CLEC4D: variants seen among roughly 807,000 people sequenced by gnomAD.
The protein encoded by CLEC4D is C-type (calcium dependent, carbohydrate-recognition domain) lectin, superfamily member 8.
A neutral mutation model predicts 21.1 loss-of-function variants in CLEC4D; 21 were observed. That is an observed-to-expected ratio of 1.00 (90% CI 0.71 to 1.43). The LOEUF (loss-of-function observed/expected upper bound fraction) is 1.43, where lower values mean the gene tolerates loss of function less well. CLEC4D is among the 40% of genes most tolerant of loss of function. The pLI, the probability that CLEC4D is intolerant of heterozygous loss-of-function variation, is 0.00. For synonymous variants in CLEC4D, 85 were observed against 83.1 expected, an observed-to-expected ratio of 1.02 and a Z score of -0.12; for missense variants, 289 against 260.7, an observed-to-expected ratio of 1.11 and a Z score of -0.75.
the CLEC4D span, among the ~76,000 whole-genome samples, chr12:8,531,327 G>A: frequency 2.6e-5 from 4 of 152,332 alleles, no homozygotes; most frequent in Admixed American, 2.0e-4. Context: ...CACGTGCAAT[G>A]ATTTTAGGAG....
chr12:8,517,726 C>T (rs1046412537), intron 2 of CLEC4D, among the ~76,000 whole-genome samples: 1 of 152,116 alleles, frequency 6.6e-6, no homozygotes, highest in East Asian at 1.9e-4. Context: ...GCAGGCGGAT[C>T]TCGAGGTCAG....
At chr12:8,517,655 G>A (rs1392827514) in intron 2 of CLEC4D, among the ~76,000 whole-genome samples, 1 of 152,074 alleles carries the variant, frequency 6.6e-6, no homozygotes, top group African/African-American at 2.4e-5. Flanking sequence ...CTCCCGTAAA[G>A]AACAAAACGG....
intron 4 of CLEC4D, among the ~76,000 whole-genome samples, chr12:8,519,878 G>A (rs1485174629): frequency 6.6e-6 from 1 of 152,090 alleles, no homozygotes; most frequent in Non-Finnish European, 1.5e-5. Context: ...GAATAAAATG[G>A]AATTTAATGA....
At chr12:8,525,486 T>C (rs1940499092), downstream of CLEC4D, among the ~76,000 whole-genome samples, 1 of 152,152 alleles carries the variant, frequency 6.6e-6, no homozygotes, top group South Asian at 2.1e-4. Context: ...TTAGTCTGTT[T>C]TGTCAGAGAC....
In CLEC4D at chr12:8,522,218, G is replaced by A. The variant is rs1940467325; in HGVS notation, c.*947G>A. On this transcript the variant is annotated 3_prime_UTR_variant, in exon 6 of 6. Coordinates refer to ENST00000299665, the MANE Select transcript of CLEC4D (RefSeq NM_080387.5). ...CAACCCATTTATACAAATTGTTAAT[G>A]TTTCTTTAGAGCTGTATAACTATAG... 6.6e-6 allele frequency: 1 copy of A among 152,132 alleles called. No homozygotes were observed. The highest frequency in any genetic ancestry group is 2.4e-5 in the African/African-American group (1 of 41,428). The allele number at this position is 152,132 out of a possible 1,614,324, so 9.4% of individuals were successfully genotyped here.
chr12:8,516,899 T>A (rs1940389103), intron 2 of CLEC4D, among the ~76,000 whole-genome samples: 1 of 152,208 alleles, frequency 6.6e-6, no homozygotes, highest in Admixed American at 6.5e-5. Context: ...AAGACAATAG[T>A]TCACTTTACA....
At chr12:8,515,440 T>C (rs1591718750) in intron 2 of CLEC4D, 112 bp downstream of exon 2, 3 of 666,984 alleles carry the variant, frequency 4.5e-6, no homozygotes, top group East Asian at 5.3e-5. Flanking sequence ...AACCTATCTA[T>C]AATATCTTCA....
At chr12:8,523,953 T>A (rs1216079114), downstream of CLEC4D, among the ~76,000 whole-genome samples, 1 of 152,226 alleles carries the variant, frequency 6.6e-6, no homozygotes, top group East Asian at 1.9e-4. Flanking sequence ...TCTATTGAGA[T>A]AACCATGTGG....
Position 8,520,247 on chromosome 12 carries a change from G to A in CLEC4D, c.406G>A (p.Asp136Asn). 6.2e-7 allele frequency: 1 copy of A among 1,613,870 alleles called. No individual in the cohort carries two copies. Among genetic ancestry groups the A allele is most frequent in the Non-Finnish European group, 8.5e-7 (1 of 1,179,830 alleles). ...AEQNFIIQFL[D>N]RRLSYFLGLR... is the part of the protein sequence containing the mutation. ...GCAGAACTTTATTATTCAGTTTCTG[G>A]ATAGACGGCTTTCCTATTTCCTTGG... Residue 136 changes from aspartate (D) to asparagine (N), a missense_variant, in exon 5 of 6, where the codon GAT (aspartate) becomes AAT (asparagine). Physicochemically the swap from Asp to Asn is conservative, Grantham distance 23 (BLOSUM62 1). Coordinates refer to ENST00000299665, the MANE Select transcript of CLEC4D (RefSeq NM_080387.5).
intron 1 of CLEC4D, among the ~76,000 whole-genome samples, chr12:8,514,971 A>T (rs1354892140): frequency 6.6e-6 from 1 of 152,132 alleles, no homozygotes; most frequent in Non-Finnish European, 1.5e-5. Flanking sequence ...TACTCAAATT[A>T]TCTATTCTAA....
At chr12:8,519,773 A>G (rs1397721789) in intron 4 of CLEC4D, among the ~76,000 whole-genome samples, 8 of 152,210 alleles carry the variant, frequency 5.3e-5, no homozygotes, top group Admixed American at 1.3e-4. Flanking sequence ...GTTTCCATTT[A>G]TGTACCATGA....
chr12:8,519,528 G>C (rs772175802), intron 4 of CLEC4D, among the ~76,000 whole-genome samples: 1 of 152,226 alleles, frequency 6.6e-6, no homozygotes, highest in Admixed American at 6.5e-5. Context: ...TGGAGGGCTG[G>C]ATCCATGCTC....
chr12:8,528,648 A>G, the CLEC4D span, among the ~76,000 whole-genome samples: 1 of 152,166 alleles, frequency 6.6e-6, no homozygotes, highest in South Asian at 2.1e-4. Context: ...AAAAATTTCA[A>G]GCAGTGTTTT....
intron 2 of CLEC4D, among the ~76,000 whole-genome samples, chr12:8,517,573 C>A (rs1327206591): frequency 1.3e-5 from 2 of 151,656 alleles, no homozygotes; most frequent in African/African-American, 4.8e-5. Flanking sequence ...GCACCAAAAA[C>A]CCCTATTCTA....
intron 2 of CLEC4D, among the ~76,000 whole-genome samples, chr12:8,517,714 A>C (rs1389578018): frequency 3.9e-5 from 6 of 152,136 alleles, no homozygotes; most frequent in Non-Finnish European, 7.4e-5. Flanking sequence ...TGGGAGGCCG[A>C]GGCAGGCGGA....
intron 4 of CLEC4D, 131 bp from the exon 5 acceptor site, chr12:8,520,095 G>A: frequency 7.2e-7 from 1 of 1,392,400 alleles, no homozygotes. Context: ...GGCAGGATTT[G>A]AAAACAGATC....
intron 4 of CLEC4D, among the ~76,000 whole-genome samples, chr12:8,519,465 T>C (rs1215703476): frequency 1.3e-5 from 2 of 152,326 alleles, no homozygotes; most frequent in African/African-American, 4.8e-5. Flanking sequence ...TTTACTTCAC[T>C]CCACTATAAT....
downstream of CLEC4D, among the ~76,000 whole-genome samples, chr12:8,526,865 G>A (rs1015367927): frequency 7.2e-5 from 11 of 152,066 alleles, no homozygotes; most frequent in South Asian, 1.9e-3. Context: ...CTTAGATGGG[G>A]CTTTTGTGGG....
At position 8,515,218 on chromosome 12, in the gene CLEC4D, T is replaced by C. The variant is rs768839320; in HGVS notation, c.29-18T>C. On this transcript the variant is annotated intron_variant, in intron 1 of 5. Coordinates refer to ENST00000299665, the MANE Select transcript of CLEC4D (RefSeq NM_080387.5). ...GTAGCTGAGAGGAGGTTAATCTCTATTTTTCTTTTGGTCCTAGTGGAAGGA... is the reference window on the plus strand; with the variant it reads ...GTAGCTGAGAGGAGGTTAATCTCTACTTTTCTTTTGGTCCTAGTGGAAGGA... The C allele has an allele frequency of 3.5e-6, 4 of 1,157,738 alleles. No homozygotes were observed. Among genetic ancestry groups the C allele is most frequent in the South Asian group, 2.4e-5 (2 of 82,018 alleles). 71.7% of individuals were successfully genotyped at this position (1,157,738 alleles called of 1,614,324 possible).
Sources: gnomAD v4.1 joint callset for allele counts (sites outside exome capture counted in the v4.1 genomes callset) on GRCh38, gnomAD v4.1.1 for gene constraint, MANE v1.5 for transcripts, NCBI Gene and HGNC (gene_info 2026-07-23, HGNC 2026-07-21) for gene names.